Variants in ING4 observed in about 807,000 individuals in gnomAD.
The protein encoded by ING4 is inhibitor of growth protein 4.
In ING4, 28 loss-of-function variants were observed where a neutral mutation model predicts 33.1. That is an observed-to-expected ratio of 0.85 (90% CI 0.63 to 1.16). The LOEUF (loss-of-function observed/expected upper bound fraction) is 1.16. ING4 is among the 50% of genes most tolerant of loss of function. The pLI is 0.00. For synonymous variants in ING4, 87 were observed against 104.4 expected (o/e 0.83, Z 1.02); for missense variants, 247 against 314.7 (o/e 0.78, Z 1.63).
At position 6,651,159 on chromosome 12, in the gene ING4, T is replaced by C. The variant is rs1248742302; in HGVS notation, c.*36A>G. The C allele has an allele frequency of 6.2e-7, 1 of 1,611,620 alleles. No individual in the cohort carries two copies. ...CTGCCCACTAGCCCAAGTCAGGGGA[T>C]GTGGAAGAAACTGTGTTGGAATCCA... is the stretch of plus-strand genomic sequence containing the variant. On this transcript the variant is annotated 3_prime_UTR_variant, in exon 8 of 8. Transcript: ENST00000341550.
chr12:6,652,220 C>T (rs1949205035), intron 6 of ING4, 51 bp downstream of exon 6: 7 of 1,589,432 alleles, frequency 4.4e-6, no homozygotes, highest in African/African-American at 1.3e-5. Flanking sequence ...CTTGTACCCA[C>T]TCCCTTCATG....
intron 6 of ING4, among the ~76,000 whole-genome samples, chr12:6,651,786 C>T (rs1949188051): frequency 6.6e-6 from 1 of 151,750 alleles, no homozygotes; most frequent in South Asian, 2.1e-4. Context: ...AAGTGATCTG[C>T]TCACCTTGGC....
intron 1 of ING4, among the ~76,000 whole-genome samples, chr12:6,657,556 T>C (rs1949400353): frequency 6.6e-6 from 1 of 152,218 alleles, no homozygotes; most frequent in South Asian, 2.1e-4. Context: ...TGACAGGCCA[T>C]GCTTAACTCT....
chr12:6,652,769 T>G lies in ING4; in HGVS notation c.392-2A>C. The G allele has an allele frequency of 6.2e-7, 1 of 1,613,880 alleles. No homozygotes were observed. Among genetic ancestry groups the G allele is most frequent in the Non-Finnish European group, 8.5e-7 (1 of 1,179,884 alleles). ...CTTTCTTCTCCTTTTGAGTCCGGCCTTCTAGGGAAGAGGGAGAAAGCCAGA... is the reference window on the plus strand; with the variant it reads ...CTTTCTTCTCCTTTTGAGTCCGGCCGTCTAGGGAAGAGGGAGAAAGCCAGA... On this transcript the variant is annotated splice_acceptor_variant, in intron 4 of 7. Transcript: ENST00000341550. LOFTEE classifies it high-confidence loss of function.
chr12:6,654,506 T>A (rs564000547), intron 2 of ING4, among the ~76,000 whole-genome samples: 47 of 151,778 alleles, frequency 3.1e-4, no homozygotes, highest in Admixed American at 1.1e-3. Flanking sequence ...ATAATTTTTT[T>A]AAAAAAATTA....
At chr12:6,655,018 C>T (rs1260851800) in intron 2 of ING4, among the ~76,000 whole-genome samples, 2 of 151,818 alleles carry the variant, frequency 1.3e-5, no homozygotes, top group Non-Finnish European at 2.9e-5. Context: ...AGCCACGGCA[C>T]CCGGTCTCCC....
intron 1 of ING4, 34 bp downstream of exon 1, chr12:6,663,031 G>A (rs777249753): frequency 5.6e-6 from 9 of 1,609,812 alleles, no homozygotes; most frequent in African/African-American, 1.3e-5. Flanking sequence ...GCACCACTCT[G>A]CAGCCCCGAC....
At chr12:6,662,971 T>C (rs907240078) in intron 1 of ING4, 94 bp downstream of exon 1, 45 of 1,348,844 alleles carry the variant, frequency 3.3e-5, no homozygotes, top group Non-Finnish European at 4.3e-5. Flanking sequence ...AATTGTGACC[T>C]TCTCGTCACT....
At chr12:6,652,833 TC>T in intron 4 of ING4, 66 bp from the exon 5 acceptor site, 1 of 1,568,028 alleles carries the variant, frequency 6.4e-7, no homozygotes, top group Non-Finnish European at 8.8e-7. Flanking sequence ...TCCTCTTCTC[TC>T]CCCCTTTCCA....
chr12:6,652,751 C>T lies in ING4; in HGVS notation c.408G>A (p.Glu136=). The T allele has an allele frequency of 6.2e-7, 1 of 1,614,116 alleles. No individual in the cohort carries two copies. The highest frequency in any genetic ancestry group is 8.5e-7 in the Non-Finnish European group (1 of 1,180,012). ...TGGAACGAGCACGAGCAGCTTTCTT[C>T]TCCTTTTGAGTCCGGCCTTCTAGGG... ...SKGKKSRTQK[E]KKAARARSKG... is the part of the protein sequence containing the mutation. The change falls in exon 5 of 8, where the codon GAG becomes GAA. Residue 136 remains glutamate (E), a synonymous_variant. Transcript: ENST00000341550.
chr12:6,662,681 G>A (rs191847714), intron 1 of ING4, among the ~76,000 whole-genome samples: 1 of 152,172 alleles, frequency 6.6e-6, no homozygotes, highest in African/African-American at 2.4e-5. Context: ...TTTTGAGGAA[G>A]AATGGAGTGG....
In ING4 at chr12:6,662,969, CCTT is replaced by C. The variant is rs999217073; in HGVS notation, c.37+93_37+95del. On this transcript the variant is annotated intron_variant, in intron 1 of 7. Coordinates refer to ENST00000341550, the MANE Select transcript of ING4 (RefSeq NM_016162.4). ...CCACAGAACCGCTTCATAATTGTGA[CCTT>C]CTCGTCACTGGAACTTAAGGGCTAC... 3.0e-6 allele frequency: 4 copies of C among 1,325,940 alleles called. No homozygotes were observed. The African/African-American group carries it at 4.4e-5, about 14-fold the overall frequency. The allele number at this position is 1,325,940 out of a possible 1,614,324, so 82.1% of individuals were successfully genotyped here. A position where few individuals can be genotyped will look rare whatever the true frequency, so the allele number is the denominator to read the frequency against.
At position 6,652,921 on chromosome 12, in the gene ING4, C is replaced by T; in HGVS notation, c.391+15G>A. ...AGTCCTCGCCCCACCTCTCACAGCC[C>T]CGCCCCCTCCTCACTCTTTTTGCCT... On this transcript the variant is annotated intron_variant, in intron 4 of 7. Coordinates refer to ENST00000341550, the MANE Select transcript of ING4 (RefSeq NM_016162.4). 6.2e-7 allele frequency: 1 copy of T among 1,604,186 alleles called. No homozygotes were observed. The highest frequency in any genetic ancestry group is 8.5e-7 in the Non-Finnish European group (1 of 1,171,200).
intron 6 of ING4, among the ~76,000 whole-genome samples, 190 bp from the exon 7 acceptor site, chr12:6,651,575 T>C (rs1019188408): frequency 1.3e-5 from 2 of 152,196 alleles, no homozygotes; most frequent in Admixed American, 6.5e-5. Flanking sequence ...AGAGTCTCAC[T>C]CTGTTGCCCA....
chr12:6,653,128 G>C, intron 3 of ING4, 78 bp from the exon 4 acceptor site: 1 of 1,593,504 alleles, frequency 6.3e-7, no homozygotes, highest in Non-Finnish European at 8.6e-7. Context: ...AGAGTTTATG[G>C]ATCTCACAGA....
intron 1 of ING4, among the ~76,000 whole-genome samples, chr12:6,658,869 A>G (rs940969903): frequency 6.6e-6 from 1 of 152,106 alleles, no homozygotes; most frequent in African/African-American, 2.4e-5. Flanking sequence ...CTTTGCCCAT[A>G]CTGGCCTCCT....
At chr12:6,652,447 A>C in intron 5 of ING4, 29 bp from the exon 6 acceptor site, 1 of 1,610,256 alleles carries the variant, frequency 6.2e-7, no homozygotes, top group Non-Finnish European at 8.5e-7. Context: ...AGAAAGTGTC[A>C]TCTACAGGAA....
chr12:6,662,996 A>G (rs1681834533), intron 1 of ING4, 69 bp downstream of exon 1: 1 of 1,516,148 alleles, frequency 6.6e-7, no homozygotes, highest in Non-Finnish European at 9.1e-7. Context: ...CTTAAGGGCT[A>G]CAGATCCTCT....
At chr12:6,657,915 C>G (rs1240304184) in intron 1 of ING4, 1 of 144,872 alleles carries the variant, frequency 6.9e-6, no homozygotes, top group East Asian at 2.1e-4. Flanking sequence ...GGTGACAGAG[C>G]GAGACTCTGT....
Sources: gnomAD v4.1 joint callset for allele counts (sites outside exome capture counted in the v4.1 genomes callset) on GRCh38, gnomAD v4.1.1 for gene constraint, MANE v1.5 for transcripts, NCBI Gene and HGNC (gene_info 2026-07-23, HGNC 2026-07-21) for gene names.